Variants in KAZN observed in about 807,000 individuals in gnomAD.
KAZN encodes the protein kazrin.
In KAZN, 40 loss-of-function variants were observed where a neutral mutation model predicts 87.4. That is an observed-to-expected ratio of 0.46 (90% confidence interval 0.36 to 0.60). KAZN has a LOEUF of 0.60. Among genes scored for constraint, KAZN ranks in the 20% least tolerant of loss-of-function variants. The pLI is 0.00. For missense variants in KAZN, 898 were observed against 1,073.9 expected (o/e 0.84, Z 2.29); for synonymous variants, 466 against 458.3 (o/e 1.02, Z -0.22).
At chr1:14,341,294 A>C (rs1403525557) in intron 2 of KAZN, among the ~76,000 whole-genome samples, 1 of 151,788 alleles carries the variant, frequency 6.6e-6, no homozygotes, top group Admixed American at 6.5e-5. Context: ...GATGATCTCA[A>C]GTGTGATTTA....
intron 1 of KAZN, among the ~76,000 whole-genome samples, chr1:14,639,482 C>G (rs766450690): frequency 6.6e-6 from 1 of 152,172 alleles, no homozygotes; most frequent in Non-Finnish European, 1.5e-5. Context: ...CCATAGGGCA[C>G]AGTGGGGACC....
chr1:14,981,286 G>A (rs528497082), intron 2 of KAZN, among the ~76,000 whole-genome samples: 2 of 152,318 alleles, frequency 1.3e-5, no homozygotes, highest in South Asian at 4.1e-4. Flanking sequence ...TAAATTTCAA[G>A]TGCGTGCTTG....
At chr1:14,307,295 C>T (rs1654997505) in intron 2 of KAZN, among the ~76,000 whole-genome samples, 1 of 152,206 alleles carries the variant, frequency 6.6e-6, no homozygotes, top group Non-Finnish European at 1.5e-5. Context: ...TTTTCACACC[C>T]TCCCAGTGGC....
At chr1:14,351,748 C>T (rs563293874) in intron 2 of KAZN, among the ~76,000 whole-genome samples, 17 of 152,304 alleles carry the variant, frequency 1.1e-4, no homozygotes, top group South Asian at 2.1e-4. Flanking sequence ...CTGAGCTCTA[C>T]CCCACAGCAA....
chr1:14,978,521 C>A (rs1487857628), intron 2 of KAZN, among the ~76,000 whole-genome samples: 1 of 152,178 alleles, frequency 6.6e-6, no homozygotes, highest in African/African-American at 2.4e-5. Context: ...GGGGATCTTG[C>A]AGACCGACCT....
At chr1:14,978,510 T>G (rs923750457) in intron 2 of KAZN, among the ~76,000 whole-genome samples, 5 of 152,186 alleles carry the variant, frequency 3.3e-5, no homozygotes, top group Non-Finnish European at 7.4e-5. Flanking sequence ...TTTACCTTTT[T>G]GGGGATCTTG....
chr1:14,529,252 T>C (rs1006147171), intron 2 of KAZN, among the ~76,000 whole-genome samples: 1 of 152,148 alleles, frequency 6.6e-6, no homozygotes, highest in African/African-American at 2.4e-5. Flanking sequence ...TGCAGTGAGC[T>C]GAGATCGCGC....
At chr1:14,135,140 G>T (rs1189364609) in intron 1 of KAZN, among the ~76,000 whole-genome samples, 1 of 152,210 alleles carries the variant, frequency 6.6e-6, no homozygotes, top group East Asian at 1.9e-4. Flanking sequence ...CTGATTGGTA[G>T]GATTGTATGT....
intron 1 of KAZN, among the ~76,000 whole-genome samples, chr1:13,990,597 A>C (rs1277682319): frequency 6.6e-6 from 1 of 152,204 alleles, no homozygotes; most frequent in African/African-American, 2.4e-5. Flanking sequence ...ATTTTGATAG[A>C]GGTTTGGGTT....
At chr1:14,092,674 GA>G (rs1346915210) in intron 1 of KAZN, among the ~76,000 whole-genome samples, 3 of 150,990 alleles carry the variant, frequency 2.0e-5, no homozygotes, top group Non-Finnish European at 4.4e-5. Flanking sequence ...GCTTATATTT[GA>G]AAAAGGAATT....
At chr1:15,080,307 C>T (rs1000659661) in intron 8 of KAZN, among the ~76,000 whole-genome samples, 3 of 152,204 alleles carry the variant, frequency 2.0e-5, no homozygotes, top group Non-Finnish European at 2.9e-5. Context: ...TTTATGATGT[C>T]GTAAATAGGG....
intron 2 of KAZN, among the ~76,000 whole-genome samples, chr1:14,426,606 G>A (rs529689743): frequency 1.4e-4 from 22 of 152,222 alleles, no homozygotes; most frequent in African/African-American, 5.3e-4. Flanking sequence ...AAACCATCTT[G>A]TGGCCACACT....
At chr1:14,057,645 T>A (rs940955714) in intron 1 of KAZN, among the ~76,000 whole-genome samples, 2 of 152,208 alleles carry the variant, frequency 1.3e-5, no homozygotes, top group African/African-American at 2.4e-5. Flanking sequence ...ATGTGTATCG[T>A]TTCTCCATCC....
chr1:14,290,610 G>A lies in KAZN; in HGVS notation c.249+110018G>A, dbSNP rs115960685. Among the ~76,000 whole-genome samples the A allele has an allele frequency of 5.3e-5, 8 of 152,180 alleles. No homozygotes were observed. In the East Asian group the frequency reaches 5.8e-4, roughly 11 times the overall value. ...TTTTCAAGGTTTTCAATTTCCTTGCGATGGGTTTGAACATCCTCCTTCAGC... is the reference window on the plus strand; with the variant it reads ...TTTTCAAGGTTTTCAATTTCCTTGCAATGGGTTTGAACATCCTCCTTCAGC... On this transcript the variant is annotated intron_variant, in intron 2 of 16. Transcript: ENST00000636203.
chr1:14,638,670 G>C lies in KAZN; in HGVS notation c.226+39447G>C, dbSNP rs574848722. On this transcript the variant is annotated intron_variant, in intron 1 of 14. Coordinates refer to ENST00000376030, the MANE Select transcript of KAZN (RefSeq NM_201628.3). ...GGAAATGACCGTGTATGTTTGTGCAGGCAGCAGGGAGATGGGCCTCTCTGA... is the reference window on the plus strand; with the variant it reads ...GGAAATGACCGTGTATGTTTGTGCACGCAGCAGGGAGATGGGCCTCTCTGA... Among the ~76,000 whole-genome samples, 20 of 152,254 alleles carry C rather than the reference G, an allele frequency of 1.3e-4. No homozygotes were observed. In the East Asian group the frequency reaches 3.3e-3, roughly 25 times the overall value.
At chr1:14,840,917 T>G (rs894724372) in intron 1 of KAZN, among the ~76,000 whole-genome samples, 1 of 152,168 alleles carries the variant, frequency 6.6e-6, no homozygotes, top group Non-Finnish European at 1.5e-5. Flanking sequence ...CACTTTCATA[T>G]AGATAGTTGA....
At chr1:14,011,628 G>A (rs1185520197) in intron 1 of KAZN, among the ~76,000 whole-genome samples, 1 of 152,150 alleles carries the variant, frequency 6.6e-6, no homozygotes, top group Non-Finnish European at 1.5e-5. Context: ...GGGGTTATGA[G>A]CTAGGAATGT....
intron 1 of KAZN, among the ~76,000 whole-genome samples, chr1:14,600,791 AG>A (rs1445622227): frequency 6.6e-6 from 1 of 152,226 alleles, no homozygotes. Flanking sequence ...AAAGCTGTAT[AG>A]TAAAGGACAC....
intron 1 of KAZN, among the ~76,000 whole-genome samples, chr1:14,834,765 A>G (rs1231473200): frequency 6.6e-6 from 1 of 152,228 alleles, no homozygotes; most frequent in Non-Finnish European, 1.5e-5. Context: ...AAAGAAAAAC[A>G]GTCAAAAATT....
Sources: gnomAD v4.1 joint callset for allele counts (sites outside exome capture counted in the v4.1 genomes callset) on GRCh38, gnomAD v4.1.1 for gene constraint, MANE v1.5 for transcripts, NCBI Gene and HGNC (gene_info 2026-07-23, HGNC 2026-07-21) for gene names.